Variants in MPRIP observed in about 807,000 individuals in gnomAD.
The protein encoded by MPRIP is myosin phosphatase Rho-interacting protein.
A neutral mutation model predicts 234.9 loss-of-function variants in MPRIP; 59 were observed. The observed-to-expected ratio is 0.25, with a 90% CI of 0.20 to 0.31. The LOEUF is 0.31. Ranked by LOEUF, MPRIP falls within the 10% of genes least tolerant of loss-of-function variation. The pLI is 1.00. For missense variants in MPRIP, 2,436 were observed against 3,071.0 expected (o/e 0.79, Z 4.89); for synonymous variants, 1,144 against 1,263.9 (o/e 0.91, Z 2.01).
At chr17:17,160,964 G>A (rs2045850213) in intron 14 of MPRIP, among the ~76,000 whole-genome samples, 1 of 152,232 alleles carries the variant, frequency 6.6e-6, no homozygotes, top group Non-Finnish European at 1.5e-5. Flanking sequence ...GCAGGTGTGG[G>A]AAGTATGTGG....
At chr17:17,085,363 C>G (rs2089563135) in intron 3 of MPRIP, among the ~76,000 whole-genome samples, 1 of 152,180 alleles carries the variant, frequency 6.6e-6, no homozygotes, top group African/African-American at 2.4e-5. Flanking sequence ...TACATGAGCC[C>G]CACGAGCAAG....
rs1271279024 is a variant in MPRIP, at chr17:17,177,297, C to T, written c.7005C>T (p.Leu2335=). ...AGTACAAAGACATCTACACAGAGCT[C>T]AGCATCGCGAAGGCTAAGGCTGACT... ...SDKYKDIYTE[L]SIAKAKADCD... The change falls in exon 22 of 24, where the codon CTC becomes CTT. Residue 2335 remains leucine, a synonymous_variant. Coordinates refer to ENST00000651222, the MANE Select transcript of MPRIP (RefSeq NM_001364716.4). 6.2e-7 allele frequency: 1 copy of T among 1,613,950 alleles called. No homozygotes were observed. Among genetic ancestry groups the T allele is most frequent in the Non-Finnish European group, 8.5e-7 (1 of 1,180,032 alleles).
intron 3 of MPRIP, among the ~76,000 whole-genome samples, chr17:17,108,353 A>T (rs1329456950): frequency 6.6e-6 from 1 of 152,214 alleles, no homozygotes; most frequent in Non-Finnish European, 1.5e-5. Context: ...CCTGGGACAG[A>T]CAGCCATCGG....
At chr17:17,120,529 C>T (rs2090369143) in intron 3 of MPRIP, among the ~76,000 whole-genome samples, 1 of 152,098 alleles carries the variant, frequency 6.6e-6, no homozygotes, top group Non-Finnish European at 1.5e-5. Context: ...CCTGTGTCCT[C>T]CTGCCTAAAC....
intron 3 of MPRIP, among the ~76,000 whole-genome samples, chr17:17,086,446 T>G (rs1031093335): frequency 3.9e-5 from 6 of 152,200 alleles, no homozygotes; most frequent in African/African-American, 1.4e-4. Flanking sequence ...GAAGGTAGAT[T>G]CTTGGCTGGA....
Position 17,166,114 on chromosome 17 carries a change from T to A in MPRIP, c.4523T>A (p.Val1508Glu). The part of the protein sequence containing the change: ...QDARAASLAS[V>E]ESALVSAIQA... ...GCACGCGCAGCCTCCCTGGCCAGTG[T>A]GGAGAGTGCACTCGTCAGCGCCATC... Residue 1508 changes from valine (V) to glutamate (E), a missense_variant, in exon 16 of 24, where the codon GTG (valine) becomes GAG (glutamate). By Grantham distance (121) the Val-to-Glu change is moderately radical. This residue lies in a region of MPRIP where 1,998 missense variants were observed against 2,520.3 expected (regional missense o/e 0.79). Transcript: ENST00000651222. This position sits in a 1 kb window ranked among gnomAD's most constrained non-coding sequence, Gnocchi z 4.4. 7.7e-7 allele frequency: 1 copy of A among 1,299,422 alleles called. No homozygotes were observed. Among genetic ancestry groups the A allele is most frequent in the Non-Finnish European group, 1.0e-6 (1 of 985,702 alleles). The allele number at this position is 1,299,422 out of a possible 1,614,324, so 80.5% of individuals were successfully genotyped here.
chr17:17,045,606 T>C (rs1451078670), intron 1 of MPRIP, among the ~76,000 whole-genome samples: 1 of 152,210 alleles, frequency 6.6e-6, no homozygotes, highest in Non-Finnish European at 1.5e-5. Context: ...GGGATAGTTA[T>C]GTTGCAGGAG....
chr17:17,125,513 A>G (rs919678845), intron 3 of MPRIP, among the ~76,000 whole-genome samples: 2 of 139,300 alleles, frequency 1.4e-5, no homozygotes, highest in Non-Finnish European at 3.2e-5. Flanking sequence ...GGGTGTAGAA[A>G]GAGGTGGCAA....
chr17:17,182,115 G>A (rs867843387), intron 23 of MPRIP: 2 of 152,350 alleles, frequency 1.3e-5, no homozygotes, highest in Middle Eastern at 6.8e-3. Flanking sequence ...GGAGACATTA[G>A]GAGGCACAGG....
At chr17:17,055,493 G>C (rs1373452108) in intron 1 of MPRIP, among the ~76,000 whole-genome samples, 2 of 152,090 alleles carry the variant, frequency 1.3e-5, no homozygotes, top group Non-Finnish European at 2.9e-5. Context: ...TGGCAGGCAG[G>C]TCCTTCCAGC....
At position 17,189,513 on chromosome 17, in the gene MPRIP, A is replaced by G. The variant is rs2046544991; in HGVS notation, c.*4619A>G. 1 of 151,684 alleles carries G rather than the reference A, an allele frequency of 6.6e-6. No homozygotes were observed. Among genetic ancestry groups the G allele is most frequent in the South Asian group, 2.1e-4 (1 of 4,776 alleles). The allele number at this position is 151,684 out of a possible 1,614,324, so 9.4% of individuals were successfully genotyped here. On this transcript the variant is annotated 3_prime_UTR_variant, in exon 24 of 24. Coordinates refer to ENST00000651222, the MANE Select transcript of MPRIP (RefSeq NM_001364716.4). ...CTATAAGATACGGTAAAAAAAAAAA[A>G]CTGTGACCCCTTTGTCACTAAGGGA... is the stretch of plus-strand genomic sequence containing the variant.
chr17:17,172,663 G>A, intron 17 of MPRIP, 35 bp from the exon 18 acceptor site: 1 of 1,571,040 alleles, frequency 6.4e-7, no homozygotes, highest in Non-Finnish European at 8.7e-7. Flanking sequence ...GAAGGGCGTG[G>A]TCCCTCGGTG....
At chr17:17,171,408 C>T (rs924360150) in intron 16 of MPRIP, 5 of 272,932 alleles carry the variant, frequency 1.8e-5, no homozygotes, top group African/African-American at 1.1e-4. Flanking sequence ...GGCTGGTTTC[C>T]ATTTCATAGC....
chr17:17,157,342 G>A (rs1055648485), intron 13 of MPRIP, among the ~76,000 whole-genome samples: 2 of 152,224 alleles, frequency 1.3e-5, no homozygotes, highest in Non-Finnish European at 2.9e-5. Context: ...CTCATGTCCC[G>A]TTGCTGGCTG....
At chr17:17,179,319 C>T (rs1247857518) in intron 22 of MPRIP, among the ~76,000 whole-genome samples, 3 of 151,668 alleles carry the variant, frequency 2.0e-5, no homozygotes, top group Non-Finnish European at 4.4e-5. Flanking sequence ...TGGTGGCACG[C>T]ACCTGTAGTC....
chr17:17,099,609 C>T (rs2089918641), intron 3 of MPRIP, among the ~76,000 whole-genome samples: 1 of 152,134 alleles, frequency 6.6e-6, no homozygotes, highest in Non-Finnish European at 1.5e-5. Flanking sequence ...TACCTATAGT[C>T]CTAGCTACTT....
intron 16 of MPRIP, 198 bp from the exon 17 acceptor site, chr17:17,171,520 A>G: frequency 1.6e-6 from 1 of 614,238 alleles, no homozygotes; most frequent in South Asian, 2.2e-5. Flanking sequence ...CCCTTTTCTG[A>G]ATGCTCTGAT....
chr17:17,140,967 A>G (rs981860500), intron 7 of MPRIP, among the ~76,000 whole-genome samples: 1 of 152,128 alleles, frequency 6.6e-6, no homozygotes, highest in South Asian at 2.1e-4. Flanking sequence ...GCACCAAGTA[A>G]TAACTTTCCA....
chr17:17,051,593 G>A (rs568621999), intron 1 of MPRIP, among the ~76,000 whole-genome samples: 104 of 152,318 alleles, frequency 6.8e-4, no homozygotes, highest in African/African-American at 2.3e-3. Context: ...GGGCAGGTTC[G>A]AAAACTCTGC....
Sources: gnomAD v4.1 joint callset for allele counts (sites outside exome capture counted in the v4.1 genomes callset) on GRCh38, gnomAD v4.1.1 for gene constraint, gnomAD v4.1.1 regional missense constraint, Gnocchi (gnomAD v3.1) non-coding constraint, MANE v1.5 for transcripts, NCBI Gene and HGNC (gene_info 2026-07-23, HGNC 2026-07-21) for gene names.